The following ZDBF2 variants were observed in gnomAD, a reference collection of about 807,000 sequenced individuals.
ZDBF2 encodes the protein zinc finger DBF-type containing 2, also known as DBF4-type zinc finger-containing protein 2.
A neutral mutation model predicts 9.4 loss-of-function variants in ZDBF2; 6 were observed. That is an observed-to-expected ratio of 0.64 (90% confidence interval 0.35 to 1.27). The LOEUF is 1.27. Among genes scored for constraint, ZDBF2 ranks in the 50% most tolerant of loss-of-function variants. ZDBF2 has a pLI of 0.03. For missense variants in ZDBF2, 2,697 were observed against 2,766.8 expected, an observed-to-expected ratio of 0.97 and a Z score of 0.57; for synonymous variants, 905 against 946.3, an observed-to-expected ratio of 0.96 and a Z score of 0.80.
At chr2:206,294,172 A>G (rs1201638523) in intron 3 of ZDBF2, among the ~76,000 whole-genome samples, 1 of 152,222 alleles carries the variant, frequency 6.6e-6, no homozygotes, top group African/African-American at 2.4e-5. Flanking sequence ...TACATTTCAG[A>G]AAATTTCAAA....
At position 206,311,562 on chromosome 2, in the gene ZDBF2, C is replaced by T. The variant is rs1179977171; in HGVS notation, c.7034C>T (p.Ala2345Val). The T allele has an allele frequency of 6.6e-7, 1 of 1,522,400 alleles. No individual in the cohort carries two copies. The highest frequency in any genetic ancestry group is 8.8e-7 in the Non-Finnish European group (1 of 1,136,978). The allele number at this position is 1,522,400 out of a possible 1,614,324, so 94.3% of individuals were successfully genotyped here. Residue 2345 changes from alanine (A) to valine (V), a missense_variant, in exon 5 of 5, where the codon GCA (alanine) becomes GTA (valine). Coordinates refer to ENST00000374423, the MANE Select transcript of ZDBF2 (RefSeq NM_020923.3). ...CGTGAGAGAATGATGACTCGGCTAG[C>T]AAACAAACTGAGAGGTAATGAGGTA... Reference protein sequence around the residue: ...QQRERMMTRLANKLRGNEVK With the variant: ...QQRERMMTRLVNKLRGNEVK
At chr2:206,295,264 AG>A (rs1271131901) in intron 3 of ZDBF2, among the ~76,000 whole-genome samples, 1 of 152,116 alleles carries the variant, frequency 6.6e-6, no homozygotes, top group Non-Finnish European at 1.5e-5. Flanking sequence ...ACAATGAAAG[AG>A]GATAAGCTTC....
At chr2:206,276,287 TGA>T (rs1157709981) in intron 1 of ZDBF2, among the ~76,000 whole-genome samples, 1 of 152,160 alleles carries the variant, frequency 6.6e-6, no homozygotes, top group Non-Finnish European at 1.5e-5. Flanking sequence ...TTACATGTAA[TGA>T]GAGTATTGTT....
At chr2:206,283,300 A>G (rs1341739832) in intron 3 of ZDBF2, among the ~76,000 whole-genome samples, 1 of 152,138 alleles carries the variant, frequency 6.6e-6, no homozygotes. Flanking sequence ...ACCGTTTGTC[A>G]AAGTGGCTGT....
intron 3 of ZDBF2, among the ~76,000 whole-genome samples, chr2:206,291,493 G>A (rs950356975): frequency 5.9e-5 from 9 of 152,142 alleles, no homozygotes; most frequent in Non-Finnish European, 1.0e-4. Flanking sequence ...TGTAGCAGAG[G>A]GAGACGGCGA....
intron 3 of ZDBF2, among the ~76,000 whole-genome samples, chr2:206,293,889 T>A (rs774070639): frequency 9.2e-5 from 14 of 152,132 alleles, no homozygotes; most frequent in Non-Finnish European, 1.6e-4. Flanking sequence ...GTTTCACTCC[T>A]AATAATGCAC....
At chr2:206,292,682 GT>G (rs1246371231) in intron 3 of ZDBF2, among the ~76,000 whole-genome samples, 12 of 152,022 alleles carry the variant, frequency 7.9e-5, no homozygotes, top group African/African-American at 2.9e-4. Flanking sequence ...TTAAAAGGTT[GT>G]TACACTAATG....
chr2:206,281,615 T>C (rs763303402), intron 2 of ZDBF2, among the ~76,000 whole-genome samples, 186 bp from the exon 3 acceptor site: 1 of 152,230 alleles, frequency 6.6e-6, no homozygotes, highest in Non-Finnish European at 1.5e-5. Flanking sequence ...AACAAACTGC[T>C]CTTTCATAAG....
intron 3 of ZDBF2, among the ~76,000 whole-genome samples, chr2:206,287,990 A>G (rs1691686673): frequency 6.6e-6 from 1 of 151,962 alleles, no homozygotes; most frequent in Admixed American, 6.5e-5. Context: ...TTGTCTATAT[A>G]TATTTTCTTG....
intron 3 of ZDBF2, among the ~76,000 whole-genome samples, chr2:206,292,808 G>C (rs79732873): frequency 0.024 from 3,710 of 152,084 alleles, 111 homozygotes; most frequent in African/African-American, 0.069. Flanking sequence ...GAAAATGTAA[G>C]ATCTTTAAAC....
intron 3 of ZDBF2, among the ~76,000 whole-genome samples, chr2:206,283,444 A>T (rs1160200462): frequency 6.6e-6 from 1 of 151,734 alleles, no homozygotes; most frequent in Non-Finnish European, 1.5e-5. Context: ...ATGGTATCTC[A>T]TTTTGGCTTT....
At chr2:206,294,461 A>G (rs1269711466) in intron 3 of ZDBF2, among the ~76,000 whole-genome samples, 2 of 152,168 alleles carry the variant, frequency 1.3e-5, no homozygotes, top group Non-Finnish European at 2.9e-5. Flanking sequence ...GAGAGAGGAC[A>G]AGGTTGGATT....
chr2:206,306,725 G>C lies in ZDBF2; in HGVS notation c.2197G>C (p.Glu733Gln). 1 of 1,613,818 alleles carries C rather than the reference G, an allele frequency of 6.2e-7. No homozygotes were observed. The highest frequency in any genetic ancestry group is 1.1e-5 in the South Asian group (1 of 91,070). Residue 733 changes from glutamate to glutamine, a missense_variant, in exon 5 of 5, where the codon GAG (glutamate) becomes CAG (glutamine). Glu to Gln is a conservative substitution (Grantham distance 29). Around this residue, in one of 3 missense-constraint regions of ZDBF2, gnomAD observed 910 missense variants for 973.6 expected, o/e 0.93. Transcript: ENST00000374423. ...QEALDEVNLK[E>Q]LNIDMEVRSY... ...AGCTTTGGATGAAGTAAATCTTAAA[G>C]AGTTAAATATTGACATGGAAGTTAG...
intron 1 of ZDBF2, among the ~76,000 whole-genome samples, chr2:206,276,155 A>G (rs779954128): frequency 3.9e-5 from 6 of 152,330 alleles, no homozygotes; most frequent in East Asian, 1.9e-4. Flanking sequence ...AGAATGCATT[A>G]TATGTAATGA....
In ZDBF2 at chr2:206,311,682, G is replaced by C. The variant is rs1693203874; in HGVS notation, c.*89G>C. On this transcript the variant is annotated 3_prime_UTR_variant, in exon 5 of 5. Coordinates refer to ENST00000374423, the MANE Select transcript of ZDBF2 (RefSeq NM_020923.3). ...TTGTGCACACAGCTTTCCCAGCTTT[G>C]GTGAGAAAACTAATCTTGAACTATT... 1 of 1,264,996 alleles carries C rather than the reference G, an allele frequency of 7.9e-7. No homozygotes were observed. Among genetic ancestry groups the C allele is most frequent in the Admixed American group, 3.3e-5 (1 of 30,466 alleles). 78.4% of individuals were successfully genotyped at this position (1,264,996 alleles called of 1,614,324 possible). A position where few individuals can be genotyped will look rare whatever the true frequency, so the allele number is the denominator to read the frequency against.
In ZDBF2 at chr2:206,310,833, C is replaced by G; in HGVS notation, c.6305C>G (p.Ser2102Cys). 2 of 1,613,988 alleles carry G rather than the reference C, an allele frequency of 1.2e-6. No homozygotes were observed. Among genetic ancestry groups the G allele is most frequent in the Non-Finnish European group, 1.7e-6 (2 of 1,179,886 alleles). The change falls in exon 5 of 5, where the codon TCT becomes TGT. Residue 2102 changes from serine to cysteine, a missense_variant. Physicochemically the swap from Ser to Cys is moderately radical, Grantham distance 112. Around this residue, in one of 3 missense-constraint regions of ZDBF2, gnomAD observed 1,783 missense variants for 1,776.5 expected, o/e 1.00. Transcript: ENST00000374423. ...AGDNDADGQG[S>C]ASAPLMAVPA... ...GATAATGATGCTGATGGACAAGGCTCTGCTTCAGCGCCTTTAATGGCAGTG... is the reference window on the plus strand; with the variant it reads ...GATAATGATGCTGATGGACAAGGCTGTGCTTCAGCGCCTTTAATGGCAGTG...
Position 206,307,153 on chromosome 2 carries a change from T to G in ZDBF2, c.2625T>G (p.Asp875Glu), listed in dbSNP as rs752380663. The G allele has an allele frequency of 6.2e-7, 1 of 1,613,098 alleles. No homozygotes were observed. The highest frequency in any genetic ancestry group is 8.5e-7 in the Non-Finnish European group (1 of 1,179,634). Residue 875 changes from aspartate (D) to glutamate (E), a missense_variant, in exon 5 of 5, where the codon GAT (aspartate) becomes GAG (glutamate). By Grantham distance (45) the Asp-to-Glu change is conservative. Coordinates refer to ENST00000374423, the MANE Select transcript of ZDBF2 (RefSeq NM_020923.3). ...CCAGTGGTTCTGAAATAAGTTCGGA[T>G]TCCCATGCCCCTCTTCATTCAGTGA... The part of the protein sequence containing the change: ...DEPSGSEISS[D>E]SHAPLHSVTN...
chr2:206,284,158 G>A (rs2105904170), intron 3 of ZDBF2, among the ~76,000 whole-genome samples: 1 of 151,846 alleles, frequency 6.6e-6, no homozygotes, highest in South Asian at 2.1e-4. Flanking sequence ...TGTATAGGGT[G>A]TGAGATAGGG....
At chr2:206,275,966 T>A (rs2105887601) in intron 1 of ZDBF2, among the ~76,000 whole-genome samples, 1 of 152,316 alleles carries the variant, frequency 6.6e-6, no homozygotes, top group East Asian at 1.9e-4. Flanking sequence ...GGCCAGTGAT[T>A]TGGATAGAAA....
Sources: allele counts gnomAD v4.1 joint callset (sites outside exome capture counted in the v4.1 genomes callset), GRCh38; gene constraint gnomAD v4.1.1; regional missense constraint gnomAD v4.1.1; transcripts MANE v1.5; gene names NCBI Gene and HGNC (gene_info 2026-07-23, HGNC 2026-07-21).